CRYBA4: variants seen among roughly 807,000 people sequenced by gnomAD.
CRYBA4 encodes crystallin beta A4, also known as beta-crystallin A4.
Under a neutral mutation model 31.7 loss-of-function variants are expected in CRYBA4, and 30 were observed. The ratio of observed to expected loss-of-function variants is 0.95; its 90% CI spans 0.71 to 1.28. The LOEUF (loss-of-function observed/expected upper bound fraction) is 1.28. Among genes scored for constraint, CRYBA4 ranks in the 50% most tolerant of loss-of-function variants. The pLI, the probability that CRYBA4 is intolerant of heterozygous loss-of-function variation, is 0.00. For synonymous variants in CRYBA4, 102 were observed against 102.3 expected, an observed-to-expected ratio of 1.00 and a Z score of 0.02; for missense variants, 225 against 260.7, an observed-to-expected ratio of 0.86 and a Z score of 0.94.
At chr22:26,604,410 C>T in the CRYBA4 span, among the ~76,000 whole-genome samples, 2 of 152,222 alleles carry the variant, frequency 1.3e-5, no homozygotes, top group Non-Finnish European at 2.9e-5. Context: ...CTGTTATTCA[C>T]CACCACTAGG....
chr22:26,626,883 C>T (rs113531370), intron 4 of CRYBA4, among the ~76,000 whole-genome samples: 24 of 152,206 alleles, frequency 1.6e-4, no homozygotes, highest in Middle Eastern at 3.4e-3. Flanking sequence ...ATAATTTTGT[C>T]ATAAAATTGG....
At chr22:26,604,868 G>A in the CRYBA4 span, among the ~76,000 whole-genome samples, 14 of 152,106 alleles carry the variant, frequency 9.2e-5, no homozygotes. Flanking sequence ...TTAGTCAATG[G>A]CTCCCCACTG....
chr22:26,606,094 C>T, the CRYBA4 span, among the ~76,000 whole-genome samples: 51 of 152,270 alleles, frequency 3.3e-4, no homozygotes, highest in Non-Finnish European at 5.1e-4. Flanking sequence ...ATTCTTCCAG[C>T]GTGGGCCAGG....
At chr22:26,612,103 G>C in the CRYBA4 span, 2 of 1,613,666 alleles carry the variant, frequency 1.2e-6, no homozygotes, top group South Asian at 1.1e-5. Context: ...CTGCGCACAC[G>C]GTCGAAGCCA....
the CRYBA4 span, among the ~76,000 whole-genome samples, chr22:26,594,145 T>C: frequency 6.6e-6 from 1 of 152,194 alleles, no homozygotes; most frequent in Non-Finnish European, 1.5e-5. Context: ...AGTATTATTG[T>C]TCCTAGCTGG....
chr22:26,612,260 T>C, the CRYBA4 span: 1 of 1,035,428 alleles, frequency 9.7e-7, no homozygotes, highest in East Asian at 2.4e-5. Flanking sequence ...AGTATCTACA[T>C]AAATAAAAGC....
At chr22:26,590,770 C>T in the CRYBA4 span, among the ~76,000 whole-genome samples, 1 of 151,898 alleles carries the variant, frequency 6.6e-6, no homozygotes, top group Non-Finnish European at 1.5e-5. Flanking sequence ...CTGCCACTAC[C>T]CCCCCAAAAA....
rs1484461662 is a variant in CRYBA4 at position 26,628,290 on chromosome 22, C to A, written c.303C>A (p.Asn101Lys). ...GACTGTGTTCCCTGTTCCTGTAGAA[C>A]CACCGTGACTCGAGGCTGACAATCT... ...LTSFRPAACA[N>K]HRDSRLTIFE... Residue 101 changes from asparagine (N) to lysine (K), a missense_variant and splice_region_variant, in exon 5 of 6, where the codon AAC becomes AAA. Transcript: ENST00000354760. The A allele has an allele frequency of 1.2e-6, 2 of 1,613,986 alleles. No individual in the cohort carries two copies. The highest frequency in any genetic ancestry group is 1.7e-6 in the Non-Finnish European group (2 of 1,179,962).
chr22:26,610,117 G>A, the CRYBA4 span, among the ~76,000 whole-genome samples: 1 of 152,116 alleles, frequency 6.6e-6, no homozygotes, highest in African/African-American at 2.4e-5. Context: ...AATTTTAAAT[G>A]TTTATATCTA....
upstream of CRYBA4, among the ~76,000 whole-genome samples, chr22:26,619,349 C>A (rs1001933104): frequency 6.6e-6 from 1 of 152,176 alleles, no homozygotes; most frequent in Admixed American, 6.5e-5. Flanking sequence ...ATCACAGGGC[C>A]CAATCCTCCC....
rs751386235 is a variant in CRYBA4, at chr22:26,630,339, G to A, written c.444-1G>A. 2 of 1,614,138 alleles carry A rather than the reference G, an allele frequency of 1.2e-6. No individual in the cohort carries two copies. The highest frequency in any genetic ancestry group is 4.5e-5 in the East Asian group (2 of 44,890). On this transcript the variant is annotated splice_acceptor_variant, in intron 5 of 5. Coordinates refer to ENST00000354760, the MANE Select transcript of CRYBA4 (RefSeq NM_001886.3). LOFTEE classifies it high-confidence loss of function. ...AACTGTCTGCCTTTTCTCTTTTCCA[G>A]CTGGGTTTGCTCCCAGTTTCCGGGC...
the CRYBA4 span, among the ~76,000 whole-genome samples, chr22:26,595,562 A>G: frequency 8.0e-5 from 11 of 138,236 alleles, no homozygotes; most frequent in African/African-American, 3.1e-4. Flanking sequence ...CTGGACAACA[A>G]GAGCAAAACT....
chr22:26,607,523 C>T, the CRYBA4 span, among the ~76,000 whole-genome samples: 1 of 143,518 alleles, frequency 7.0e-6, no homozygotes, highest in South Asian at 2.2e-4. Context: ...CACTACTGTA[C>T]ACCAGGCTGG....
chr22:26,612,617 T>G, the CRYBA4 span, among the ~76,000 whole-genome samples: 28 of 152,308 alleles, frequency 1.8e-4, 1 homozygote, highest in East Asian at 1.4e-3. Flanking sequence ...CTTCCCAAAG[T>G]GTTGGGATTA....
chr22:26,615,638 C>T, the CRYBA4 span, among the ~76,000 whole-genome samples: 6 of 152,124 alleles, frequency 3.9e-5, no homozygotes, highest in Non-Finnish European at 7.4e-5. Flanking sequence ...CTCAGCCTCC[C>T]AAGTAGCTGG....
the CRYBA4 span, among the ~76,000 whole-genome samples, chr22:26,603,243 G>T: frequency 6.6e-6 from 1 of 151,666 alleles, no homozygotes; most frequent in African/African-American, 2.4e-5. Context: ...GTAGAATGGG[G>T]TTATTGCCAG....
intron 4 of CRYBA4, among the ~76,000 whole-genome samples, chr22:26,625,956 TG>T (rs1929691425): frequency 6.6e-6 from 1 of 152,030 alleles, no homozygotes; most frequent in African/African-American, 2.4e-5. Context: ...GTACCAGGGA[TG>T]GTAGGGCCAA....
the CRYBA4 span, among the ~76,000 whole-genome samples, chr22:26,600,130 G>A: frequency 2.0e-5 from 3 of 152,144 alleles, no homozygotes; most frequent in Admixed American, 2.0e-4. Context: ...GGCTGGGCGC[G>A]GTGGCTCAAG....
the CRYBA4 span, chr22:26,612,035 T>A: frequency 2.1e-6 from 3 of 1,435,766 alleles, no homozygotes; most frequent in Non-Finnish European, 2.9e-6. Context: ...CATTTTACTG[T>A]GGCAGAGAGT....
Sources: gnomAD v4.1 joint callset for allele counts (sites outside exome capture counted in the v4.1 genomes callset) on GRCh38, gnomAD v4.1.1 for gene constraint, MANE v1.5 for transcripts, NCBI Gene and HGNC (gene_info 2026-07-23, HGNC 2026-07-21) for gene names.